The following CARMIL1 variants were observed in gnomAD, a reference collection of about 807,000 sequenced individuals.
CARMIL1 encodes capping protein regulator and myosin 1 linker 1.
In CARMIL1, 90 loss-of-function variants were observed where a neutral mutation model predicts 177.1. That is an observed-to-expected ratio of 0.51 (90% CI 0.43 to 0.61). CARMIL1 has a LOEUF of 0.61. Ranked by LOEUF, CARMIL1 falls within the 20% of genes least tolerant of loss-of-function variation. CARMIL1 has a pLI of 0.00. For synonymous variants in CARMIL1, 577 were observed against 606.2 expected (o/e 0.95, Z 0.71); for missense variants, 1,380 against 1,667.0 (o/e 0.83, Z 3.00).
chr6:25,305,905 C>A (rs1359625730), intron 2 of CARMIL1, among the ~76,000 whole-genome samples: 1 of 152,156 alleles, frequency 6.6e-6, no homozygotes, highest in African/African-American at 2.4e-5. Flanking sequence ...TTAAAAATAT[C>A]CTTTTTTTCA....
chr6:25,447,996 A>G (rs1798406011), intron 5 of CARMIL1, among the ~76,000 whole-genome samples: 1 of 152,020 alleles, frequency 6.6e-6, no homozygotes, highest in Non-Finnish European at 1.5e-5. Flanking sequence ...ACCTCTCCAT[A>G]TACATTTTGG....
chr6:25,441,320 C>CATATATAT lies in CARMIL1; in HGVS notation c.371+5727_371+5734dup, dbSNP rs199573016. 6.4e-3 allele frequency among the ~76,000 whole-genome samples: 639 copies of CATATATAT among 99,552 alleles called. 10 individuals carry two copies. The highest frequency in any genetic ancestry group is 0.01 in the African/African-American group (261 of 24,864). 65.3% of individuals were successfully genotyped at this position (99,552 alleles called of 152,430 possible). On this transcript the variant is annotated intron_variant, in intron 5 of 36. Coordinates refer to ENST00000329474, the MANE Select transcript of CARMIL1 (RefSeq NM_017640.6). Reference sequence around the variant, plus strand: ...ATCTCAAAACAAACAAACAAACAAACATATATATATATATATATGTGTGTG... The same window carrying CATATATAT: ...ATCTCAAAACAAACAAACAAACAAACATATATATATATATATATATATATATGTGTGTG...
rs180819001 is a variant in CARMIL1 at position 25,342,989 on chromosome 6, C to T, written c.138+58080C>T. Among the ~76,000 whole-genome samples, 41 of 152,336 alleles carry T rather than the reference C, an allele frequency of 2.7e-4. 1 individual carries two copies. Among genetic ancestry groups the T allele is most frequent in the Admixed American group, 2.5e-3 (38 of 15,306 alleles). ...ATTTTCCAGACACAAAACAAGCACACGGCTTCCTTCTAAGAATCCTTCTAA... is the reference window on the plus strand; with the variant it reads ...ATTTTCCAGACACAAAACAAGCACATGGCTTCCTTCTAAGAATCCTTCTAA... On this transcript the variant is annotated intron_variant, in intron 2 of 36. Coordinates refer to ENST00000329474, the MANE Select transcript of CARMIL1 (RefSeq NM_017640.6).
chr6:25,311,602 C>G (rs560021094), intron 2 of CARMIL1, among the ~76,000 whole-genome samples: 1 of 152,204 alleles, frequency 6.6e-6, no homozygotes, highest in African/African-American at 2.4e-5. Flanking sequence ...GTTCCCACCC[C>G]CACCCATCAG....
intron 29 of CARMIL1, among the ~76,000 whole-genome samples, chr6:25,569,410 G>T (rs958608025): frequency 3.9e-5 from 6 of 152,074 alleles, no homozygotes; most frequent in Non-Finnish European, 8.8e-5. Context: ...TAAAGCTTGG[G>T]GAACCACTTG....
intron 2 of CARMIL1, among the ~76,000 whole-genome samples, chr6:25,377,688 G>T (rs1346973474): frequency 6.6e-6 from 1 of 152,142 alleles, no homozygotes; most frequent in Non-Finnish European, 1.5e-5. Context: ...AGATGAACTG[G>T]TCACATGGAC....
intron 26 of CARMIL1, among the ~76,000 whole-genome samples, chr6:25,541,774 C>T (rs903142663): frequency 2.6e-5 from 4 of 152,172 alleles, no homozygotes; most frequent in Non-Finnish European, 4.4e-5. Flanking sequence ...CTGTGTCAGC[C>T]TCCCAAGTAG....
At chr6:25,506,705 G>A (rs1804951089) in intron 17 of CARMIL1, among the ~76,000 whole-genome samples, 1 of 152,106 alleles carries the variant, frequency 6.6e-6, no homozygotes, top group Admixed American at 6.6e-5. Context: ...ATACCATTCA[G>A]TTTTATGTAT....
chr6:25,407,322 T>C (rs1288200180), intron 2 of CARMIL1, among the ~76,000 whole-genome samples: 2 of 151,748 alleles, frequency 1.3e-5, no homozygotes, highest in African/African-American at 4.8e-5. Context: ...TATTTAGAGA[T>C]GGAAGAGAAA....
chr6:25,391,607 A>T (rs763769877), intron 2 of CARMIL1, among the ~76,000 whole-genome samples: 4 of 152,280 alleles, frequency 2.6e-5, no homozygotes, highest in African/African-American at 4.8e-5. Context: ...CACTAGCCAC[A>T]TGTGGCTGTT....
rs182182533 is a variant in CARMIL1 at position 25,420,965 on chromosome 6, G to A, written c.189+801G>A. ...AACTTGATCCTTAACAGAATCTCAT[G>A]AGAGCTATAAGTCTTATTATTATCC... On this transcript the variant is annotated intron_variant, in intron 3 of 36. Transcript: ENST00000329474. Among the ~76,000 whole-genome samples the A allele has an allele frequency of 2.8e-4, 42 of 152,290 alleles. No individual in the cohort carries two copies. In the East Asian group the frequency reaches 7.5e-3, roughly 27 times the overall value.
chr6:25,286,032 C>T (rs1781494729), intron 2 of CARMIL1, among the ~76,000 whole-genome samples: 2 of 150,792 alleles, frequency 1.3e-5, no homozygotes, highest in South Asian at 4.1e-4. Context: ...CCATCATGCC[C>T]AGCTAATTTT....
At chr6:25,434,609 C>T (rs1012018326) in intron 4 of CARMIL1, among the ~76,000 whole-genome samples, 5 of 150,656 alleles carry the variant, frequency 3.3e-5, no homozygotes, top group African/African-American at 1.2e-4. Context: ...CTGCAACCTC[C>T]GCCTCCTGGG....
intron 8 of CARMIL1, among the ~76,000 whole-genome samples, chr6:25,463,632 A>C (rs1236736681): frequency 6.6e-6 from 1 of 152,218 alleles, no homozygotes; most frequent in Non-Finnish European, 1.5e-5. Flanking sequence ...TGAAATATAC[A>C]AGAGAACGCT....
At chr6:25,293,484 C>T (rs559565144) in intron 2 of CARMIL1, among the ~76,000 whole-genome samples, 5 of 152,058 alleles carry the variant, frequency 3.3e-5, no homozygotes, top group Admixed American at 2.0e-4. Context: ...ATCCTGGGCT[C>T]AAGAGATCCT....
rs1296177997 is a variant in CARMIL1 at position 25,441,331 on chromosome 6, A to ATGTGTGTG, written c.371+5728_371+5729insGTGTGTGT. Among the ~76,000 whole-genome samples the ATGTGTGTG allele has an allele frequency of 3.2e-4, 14 of 43,216 alleles. 1 individual carries two copies. Among genetic ancestry groups the ATGTGTGTG allele is most frequent in the African/African-American group, 1.2e-3 (12 of 10,372 alleles). The allele number at this position is 43,216 out of a possible 152,430, so 28.4% of individuals were successfully genotyped here. ...AACAAACAAACAAACATATATATAT[A>ATGTGTGTG]TATATATGTGTGTGTGTGTGTGTGT... On this transcript the variant is annotated intron_variant, in intron 5 of 36. Coordinates refer to ENST00000329474, the MANE Select transcript of CARMIL1 (RefSeq NM_017640.6).
chr6:25,594,454 A>C lies in CARMIL1; in HGVS notation c.3046A>C (p.Asn1016His), dbSNP rs569572584. Residue 1016 changes from asparagine to histidine, a missense_variant, in exon 32 of 37, where the codon AAT becomes CAT. Asn to His is a moderately conservative substitution (Grantham distance 68). Transcript: ENST00000329474. ...CATAGTCTCACAAGATGGTGAACAGAATGGTCTCATGGGGAGAGTGGATGA... is the reference window on the plus strand; with the variant it reads ...CATAGTCTCACAAGATGGTGAACAGCATGGTCTCATGGGGAGAGTGGATGA... ...ANIVSQDGEQ[N>H]GLMGRVDEGV... 1.9e-5 allele frequency: 30 copies of C among 1,613,504 alleles called. No homozygotes were observed. In the East Asian group the frequency reaches 2.0e-4, roughly 11 times the overall value.
rs1554221082 is a variant in CARMIL1, at chr6:25,544,645, A to ACACACC, written c.2328+4568_2328+4569insACACCC. 1.4e-3 allele frequency among the ~76,000 whole-genome samples: 189 copies of ACACACC among 139,100 alleles called. 3 individuals carry two copies. Among genetic ancestry groups the ACACACC allele is most frequent in the Non-Finnish European group, 2.3e-3 (148 of 63,278 alleles). 91.3% of individuals were successfully genotyped at this position (139,100 alleles called of 152,430 possible). A position where few individuals can be genotyped will look rare whatever the true frequency, so the allele number is the denominator to read the frequency against. ...CACACACACACACACACACACACAC[A>ACACACC]CCCCAAACACTAAAGGATATACTTT... On this transcript the variant is annotated intron_variant, in intron 26 of 36. Coordinates refer to ENST00000329474, the MANE Select transcript of CARMIL1 (RefSeq NM_017640.6).
chr6:25,550,206 G>A (rs776777979), intron 26 of CARMIL1, among the ~76,000 whole-genome samples: 12 of 152,192 alleles, frequency 7.9e-5, no homozygotes, highest in Non-Finnish European at 1.8e-4. Context: ...CATCTTCACA[G>A]ATGTTGGAAG....
Sources: gnomAD v4.1 joint callset for allele counts (sites outside exome capture counted in the v4.1 genomes callset) on GRCh38, gnomAD v4.1.1 for gene constraint, MANE v1.5 for transcripts, NCBI Gene and HGNC (gene_info 2026-07-23, HGNC 2026-07-21) for gene names.